The following MID1 variants were observed in gnomAD, a reference collection of about 807,000 sequenced individuals.
MID1 encodes the protein midline 1, also known as E3 ubiquitin-protein ligase Midline-1.
A neutral mutation model predicts 40.4 loss-of-function variants in MID1; 7 were observed. The ratio of observed to expected loss-of-function variants is 0.17; its 90% confidence interval spans 0.10 to 0.33. The LOEUF (loss-of-function observed/expected upper bound fraction) is 0.33. MID1 is among the 10% of genes least tolerant of loss of function. The pLI, the probability that MID1 is intolerant of heterozygous loss-of-function variation, is 1.00. For synonymous variants in MID1, 229 were observed against 221.2 expected, an observed-to-expected ratio of 1.04 and a Z score of -0.31; for missense variants, 367 against 558.5, an observed-to-expected ratio of 0.66 and a Z score of 3.46.
intron 1 of MID1, among the ~76,000 whole-genome samples, chrX:10,683,357 C>T (rs1340273878): frequency 9.0e-6 from 1 of 110,660 alleles, no homozygotes; most frequent in East Asian, 2.8e-4. Context: ...ACCAGCCTGG[C>T]AATATAGTGA....
chrX:10,537,864 T>A (rs896606517), intron 2 of MID1, among the ~76,000 whole-genome samples: 4 of 112,580 alleles, frequency 3.6e-5, no homozygotes, highest in African/African-American at 1.3e-4. Flanking sequence ...TCACTATCAG[T>A]TCAATACCAA....
At chrX:10,499,907 G>A (rs1318166559) in intron 3 of MID1, among the ~76,000 whole-genome samples, 1 of 112,244 alleles carries the variant, frequency 8.9e-6, no homozygotes, top group Non-Finnish European at 1.9e-5. Flanking sequence ...AAAATCTTAG[G>A]CTATCTCCAT....
intron 1 of MID1, among the ~76,000 whole-genome samples, chrX:10,786,806 G>A (rs1409639811): frequency 2.5e-5 from 2 of 81,038 alleles, no homozygotes; most frequent in Non-Finnish European, 4.6e-5. Context: ...ATCACACACC[G>A]GGGCCTGTTG....
chrX:10,586,606 A>G (rs978062635), intron 1 of MID1, among the ~76,000 whole-genome samples: 10 of 112,567 alleles, frequency 8.9e-5, no homozygotes, highest in Non-Finnish European at 3.8e-5. Flanking sequence ...GTATCTAGTT[A>G]GTCTAGCATT....
At chrX:10,656,728 C>T (rs1444567325) in intron 1 of MID1, among the ~76,000 whole-genome samples, 1 of 109,666 alleles carries the variant, frequency 9.1e-6, no homozygotes, top group African/African-American at 3.3e-5. Flanking sequence ...ATTCAGATGA[C>T]AAATCACATA....
At chrX:10,759,838 A>C (rs151079894) in intron 1 of MID1, among the ~76,000 whole-genome samples, 1 of 112,202 alleles carries the variant, frequency 8.9e-6, no homozygotes, top group East Asian at 2.8e-4. Flanking sequence ...ACAATTTACA[A>C]ACAGATACAA....
At chrX:10,808,033 A>C (rs148291970) in intron 1 of MID1, among the ~76,000 whole-genome samples, 184 of 112,813 alleles carry the variant, frequency 1.6e-3, no homozygotes, top group African/African-American at 5.8e-3. Context: ...CAAAGACTGC[A>C]TGTAGAAGAA....
At chrX:10,510,239 A>G (rs1932047282) in intron 3 of MID1, among the ~76,000 whole-genome samples, 1 of 111,590 alleles carries the variant, frequency 9.0e-6, no homozygotes. Context: ...GGAAATGCAT[A>G]GATCTTAAGG....
At chrX:10,659,277 T>A (rs912991469) in intron 1 of MID1, among the ~76,000 whole-genome samples, 14 of 111,781 alleles carry the variant, frequency 1.3e-4, no homozygotes, top group African/African-American at 4.2e-4. Context: ...CATCAATAAT[T>A]TATAGATTAC....
intron 5 of MID1, chrX:10,475,018 A>AAAAG (rs1182186316): frequency 7.5e-6 from 3 of 401,319 alleles, no homozygotes; most frequent in Non-Finnish European, 9.2e-6. Context: ...CTGCGAAAGC[A>AAAAG]AAAGAATATT....
In MID1 at chrX:10,725,877, A is replaced by C. The variant is rs187143510; in HGVS notation, c.-186-105458T>G. 6.0e-4 allele frequency among the ~76,000 whole-genome samples: 67 copies of C among 112,100 alleles called. No individual in the cohort carries two copies. In the East Asian group the frequency reaches 0.018, roughly 30 times the overall value. On this transcript the variant is annotated intron_variant, in intron 1 of 10. Transcript: ENST00000380785. ...CTGTCTTAAAAAGAAGAAAGAAAGA[A>C]AAAGAAGAACTTGGTGCACAAAAGA...
intron 1 of MID1, among the ~76,000 whole-genome samples, chrX:10,784,513 T>C (rs962515742): frequency 9.9e-6 from 1 of 101,172 alleles, no homozygotes; most frequent in Admixed American, 1.1e-4. Flanking sequence ...TGGGACAATC[T>C]CGGCTCACTG....
chrX:10,695,458 C>T (rs1035848434), intron 1 of MID1, among the ~76,000 whole-genome samples: 1 of 111,802 alleles, frequency 8.9e-6, no homozygotes, highest in Non-Finnish European at 1.9e-5. Flanking sequence ...TCTTTTCAGG[C>T]TTTTGCATTT....
chrX:10,614,907 G>A (rs1046502397), intron 1 of MID1, among the ~76,000 whole-genome samples: 4 of 111,876 alleles, frequency 3.6e-5, no homozygotes, highest in African/African-American at 1.3e-4. Context: ...ATTTTTCGCT[G>A]GAAAATGCTC....
intron 2 of MID1, among the ~76,000 whole-genome samples, chrX:10,548,997 T>A (rs887038984): frequency 9.0e-6 from 1 of 111,393 alleles, no homozygotes; most frequent in Admixed American, 9.6e-5. Flanking sequence ...TCTTAGCTGA[T>A]TTTTTTTTCT....
intron 2 of MID1, chrX:10,565,151 T>G (rs1432879670): frequency 6.1e-6 from 2 of 329,894 alleles, no homozygotes; most frequent in Admixed American, 6.2e-5. Flanking sequence ...TGTGCTGCCA[T>G]GCACTGTTCT....
rs2044016479 is a variant in MID1, at chrX:10,802,574, T to G, written c.-187+30980A>C. 4.5e-5 allele frequency among the ~76,000 whole-genome samples: 5 copies of G among 111,971 alleles called. No homozygotes were observed. The South Asian group carries it at 1.8e-3, about 41-fold the overall frequency. On this transcript the variant is annotated intron_variant, in intron 1 of 10. Coordinates refer to the MID1 transcript ENST00000380785. ...GATGTTTATAAACTGTTGATTGTTG[T>G]TGGGAGTGTAAATTAGTTCAGCCAC...
rs1188732340 is a variant in MID1, at chrX:10,613,642, C to A, written c.-57+6648G>T. ...CAGAACAATCAAACAGAGGATAAGC[C>A]AAGCTGCTTACCATGTTTTGGGTTG... On this transcript the variant is annotated intron_variant, in intron 1 of 9. Coordinates refer to ENST00000317552, the MANE Select transcript of MID1 (RefSeq NM_000381.4). 3.2e-5 allele frequency among the ~76,000 whole-genome samples: 3 copies of A among 94,762 alleles called. No individual in the cohort carries two copies. The East Asian group carries it at 1.0e-3, about 32-fold the overall frequency. 82.3% of individuals were successfully genotyped at this position (94,762 alleles called of 115,157 possible). A position where few individuals can be genotyped will look rare whatever the true frequency, so the allele number is the denominator to read the frequency against.
At chrX:10,712,016 A>G (rs2043271526) in intron 1 of MID1, among the ~76,000 whole-genome samples, 1 of 112,212 alleles carries the variant, frequency 8.9e-6, no homozygotes, top group Admixed American at 9.4e-5. Context: ...CGATAATGCC[A>G]AGGTTGAGAA....
Sources: gnomAD v4.1 joint callset for allele counts (sites outside exome capture counted in the v4.1 genomes callset) on GRCh38, gnomAD v4.1.1 for gene constraint, MANE v1.5 for transcripts, NCBI Gene and HGNC (gene_info 2026-07-23, HGNC 2026-07-21) for gene names.